ZNF468: variants seen among roughly 807,000 people sequenced by gnomAD.
ZNF468 encodes the protein zinc finger protein 468.
In ZNF468, 8 loss-of-function variants were observed where a neutral mutation model predicts 7.2. The ratio of observed to expected loss-of-function variants is 1.11; its 90% confidence interval spans 0.65 to 2.01. ZNF468 has a LOEUF of 2.01. Ranked by LOEUF, ZNF468 falls within the 30% of genes most tolerant of loss-of-function variation. The pLI is 0.00. For missense variants in ZNF468, 608 were observed against 626.5 expected (o/e 0.97, Z 0.31); for synonymous variants, 218 against 214.4 (o/e 1.02, Z -0.15).
At chr19:52,854,679 A>C (rs1274813839) in intron 1 of ZNF468, among the ~76,000 whole-genome samples, 2 of 152,196 alleles carry the variant, frequency 1.3e-5, no homozygotes, top group Non-Finnish European at 2.9e-5. Context: ...ATTTGAGCTC[A>C]AAAGTTTGAG....
At chr19:52,849,502 T>G (rs2147737894) in intron 2 of ZNF468, 4 of 495,090 alleles carry the variant, frequency 8.1e-6, no homozygotes, top group Middle Eastern at 6.5e-4. Flanking sequence ...TGTTTGAAAC[T>G]TTTATAGACA....
In ZNF468 at chr19:52,838,231, TG is replaced by T. The variant is rs2063264965; in HGVS notation, c.*2493del. The T allele has an allele frequency of 2.0e-5, 3 of 152,128 alleles. No homozygotes were observed. The highest frequency in any genetic ancestry group is 2.0e-4 in the Admixed American group (3 of 15,260). The allele number at this position is 152,128 out of a possible 1,614,324, so 9.4% of individuals were successfully genotyped here. ...AAGCAAATCAATGTGATATACCACT[TG>T]AACACAATGAAAGATGAAAACCACA... On this transcript the variant is annotated 3_prime_UTR_variant, in exon 4 of 4. Coordinates refer to ENST00000595646, the MANE Select transcript of ZNF468 (RefSeq NM_001008801.2).
At position 52,838,728 on chromosome 19, in the gene ZNF468, C is replaced by G. The variant is rs998958189; in HGVS notation, c.*1997G>C. ...ATAATTTTAAAAGAAAATTAAAAAC[C>G]AATTCCATTTGCTAAAGAACTTAAA... is the stretch of plus-strand genomic sequence containing the variant. On this transcript the variant is annotated 3_prime_UTR_variant, in exon 4 of 4. Transcript: ENST00000595646. The G allele has an allele frequency of 6.6e-6, 1 of 152,044 alleles. No homozygotes were observed. The highest frequency in any genetic ancestry group is 1.5e-5 in the Non-Finnish European group (1 of 68,002). 9.4% of individuals were successfully genotyped at this position (152,044 alleles called of 1,614,324 possible).
chr19:52,849,249 G>A (rs532172628), intron 2 of ZNF468, 36 bp from the exon 3 acceptor site: 33 of 1,612,768 alleles, frequency 2.0e-5, no homozygotes, highest in East Asian at 1.8e-4. Context: ...AATGGTTATG[G>A]GAGGAGATCT....
At position 52,840,060 on chromosome 19, in the gene ZNF468, T is replaced by G. The variant is rs1363847280; in HGVS notation, c.*665A>C. The G allele has an allele frequency of 1.7e-6, 2 of 1,169,734 alleles. No homozygotes were observed. The highest frequency in any genetic ancestry group is 3.2e-5 in the African/African-American group (2 of 63,208). 72.5% of individuals were successfully genotyped at this position (1,169,734 alleles called of 1,614,324 possible). The stretch of plus-strand genomic sequence containing the variant: ...TGTAAGGTTTCTCTCCAGTGTGAAT[T>G]CTAGTATGGGGTGCCACGTGTGAAT... On this transcript the variant is annotated 3_prime_UTR_variant, in exon 4 of 4. Transcript: ENST00000595646.
At position 52,839,957 on chromosome 19, in the gene ZNF468, G is replaced by A. The variant is rs964022082; in HGVS notation, c.*768C>T. On this transcript the variant is annotated 3_prime_UTR_variant, in exon 4 of 4. Transcript: ENST00000595646. ...TTGTGACAATCATTACATTAGTCAA[G>A]TTTCCCTATACCATGGATTGCTTGA... is the stretch of plus-strand genomic sequence containing the variant. The A allele has an allele frequency of 2.3e-5, 28 of 1,232,430 alleles. No homozygotes were observed. Among genetic ancestry groups the A allele is most frequent in the Non-Finnish European group, 3.0e-5 (27 of 903,952 alleles). 76.3% of individuals were successfully genotyped at this position (1,232,430 alleles called of 1,614,324 possible).
chr19:52,851,371 T>C (rs2063388685), intron 2 of ZNF468, among the ~76,000 whole-genome samples: 1 of 152,054 alleles, frequency 6.6e-6, no homozygotes, highest in South Asian at 2.1e-4. Context: ...GGTTAGGAAA[T>C]GGAAACCATC....
chr19:52,847,888 C>T (rs1199168439), intron 3 of ZNF468, among the ~76,000 whole-genome samples: 3 of 152,176 alleles, frequency 2.0e-5, no homozygotes, highest in Non-Finnish European at 4.4e-5. Flanking sequence ...ACTCAAGAGA[C>T]TGGCACCGAT....
chr19:52,850,207 C>G (rs983511403), intron 2 of ZNF468, among the ~76,000 whole-genome samples: 11 of 152,044 alleles, frequency 7.2e-5, no homozygotes, highest in Non-Finnish European at 1.3e-4. Context: ...TCTCATCTTG[C>G]TGGAAAAGGA....
At position 52,840,643 on chromosome 19, in the gene ZNF468, T is replaced by C; in HGVS notation, c.*82A>G. ...AACCTTGCCACATTCATTATGCTTG[T>C]AAGGTTTCTCTCCAGTATGAATTGC... On this transcript the variant is annotated 3_prime_UTR_variant, in exon 4 of 4. Coordinates refer to ENST00000595646, the MANE Select transcript of ZNF468 (RefSeq NM_001008801.2). The C allele has an allele frequency of 6.2e-7, 1 of 1,601,416 alleles. No homozygotes were observed. Among genetic ancestry groups the C allele is most frequent in the Non-Finnish European group, 8.6e-7 (1 of 1,168,746 alleles).
chr19:52,841,179 C>T lies in ZNF468; in HGVS notation c.1115G>A (p.Arg372His), dbSNP rs749651682. Residue 372 changes from arginine (R) to histidine (H), a missense_variant, in exon 4 of 4, where the codon CGC (arginine) becomes CAC (histidine). Transcript: ENST00000595646. ...CTCTCCAGTATGAAGTCTATGATGG[C>T]GTGCAAGGGTTGATAGTCGATTAAA... ...KVFNRLSTLA[R>H]HHRLHTGEKP... is the part of the protein sequence containing the mutation. 10 of 1,611,532 alleles carry T rather than the reference C, an allele frequency of 6.2e-6. No homozygotes were observed. Among genetic ancestry groups the T allele is most frequent in the South Asian group, 4.4e-5 (4 of 90,954 alleles).
chr19:52,854,852 C>G (rs1195282495), intron 1 of ZNF468, among the ~76,000 whole-genome samples: 1 of 152,042 alleles, frequency 6.6e-6, no homozygotes, highest in African/African-American at 2.4e-5. Context: ...TGGTGACACC[C>G]TGTCTCTACT....
chr19:52,850,105 T>C (rs1568681312), intron 2 of ZNF468, among the ~76,000 whole-genome samples: 1 of 152,164 alleles, frequency 6.6e-6, no homozygotes, highest in Non-Finnish European at 1.5e-5. Context: ...TTTATATGTA[T>C]ATGTGTGTGC....
Position 52,842,084 on chromosome 19 carries a change from G to A in ZNF468, c.210C>T (p.His70=). Residue 70 remains histidine, a synonymous_variant, in exon 4 of 4, where the codon CAC becomes CAT. Coordinates refer to ENST00000595646, the MANE Select transcript of ZNF468 (RefSeq NM_001008801.2). ...STGQGNTEVI[H]TGTLHRQASH... ...TTGCTTGTCTGTGCAATGTCCCTGT[G>A]TGGATCACTTCTGTATTGCCTTGCC... is the stretch of plus-strand genomic sequence containing the variant. 2 of 1,613,598 alleles carry A rather than the reference G, an allele frequency of 1.2e-6. No individual in the cohort carries two copies. Among genetic ancestry groups the A allele is most frequent in the African/African-American group, 1.3e-5 (1 of 74,996 alleles).
chr19:52,855,800 A>C (rs1482465495), intron 1 of ZNF468, among the ~76,000 whole-genome samples: 22 of 152,194 alleles, frequency 1.4e-4, no homozygotes, highest in Admixed American at 1.0e-3. Context: ...CTATTTTGCC[A>C]ATCATTTCAG....
intron 1 of ZNF468, among the ~76,000 whole-genome samples, chr19:52,855,907 G>A (rs201873569): frequency 1.3e-5 from 2 of 152,154 alleles, no homozygotes; most frequent in Non-Finnish European, 2.9e-5. Flanking sequence ...ACATTTTCAC[G>A]AAGTTACCCT....
At chr19:52,851,181 C>T (rs1356886569) in intron 2 of ZNF468, among the ~76,000 whole-genome samples, 2 of 151,942 alleles carry the variant, frequency 1.3e-5, no homozygotes, top group Non-Finnish European at 2.9e-5. Flanking sequence ...AAGGCTAAAA[C>T]AGGAGAATCA....
chr19:52,842,009 A>G lies in ZNF468; in HGVS notation c.285T>C (p.His95=). ...CTTCTTTCCACTGAAACTCGAAGCCATGAATGTCTTTCTCAATTTCATGGA... is the reference window on the plus strand; with the variant it reads ...CTTCTTTCCACTGAAACTCGAAGCCGTGAATGTCTTTCTCAATTTCATGGA... ...FCFHEIEKDI[H]GFEFQWKEDE... is the part of the protein sequence containing the mutation. Residue 95 remains histidine (H), a synonymous_variant, in exon 4 of 4, where the codon CAT becomes CAC. Transcript: ENST00000595646. The G allele has an allele frequency of 1.9e-6, 3 of 1,613,988 alleles. No homozygotes were observed. Among genetic ancestry groups the G allele is most frequent in the Non-Finnish European group, 2.5e-6 (3 of 1,179,924 alleles).
intron 3 of ZNF468, 106 bp from the exon 4 acceptor site, chr19:52,842,257 C>T: frequency 9.7e-7 from 1 of 1,030,682 alleles, no homozygotes; most frequent in Non-Finnish European, 1.4e-6. Flanking sequence ...TTCAACTTCC[C>T]AAACGTGAGC....
Sources: allele counts gnomAD v4.1 joint callset (sites outside exome capture counted in the v4.1 genomes callset), GRCh38; gene constraint gnomAD v4.1.1; transcripts MANE v1.5; gene names NCBI Gene and HGNC (gene_info 2026-07-23, HGNC 2026-07-21).